ADGRL2: variants seen among roughly 807,000 people sequenced by gnomAD.
ADGRL2 encodes the protein adhesion G protein-coupled receptor L2.
ADGRL2 carries 44 observed loss-of-function variants against 157.4 expected under a neutral mutation model. The ratio of observed to expected loss-of-function variants is 0.28; its 90% CI spans 0.22 to 0.36. ADGRL2 has a LOEUF of 0.36. Among genes scored for constraint, ADGRL2 ranks in the 10% least tolerant of loss-of-function variants. The pLI, the probability that ADGRL2 is intolerant of heterozygous loss-of-function variation, is 1.00. For synonymous variants in ADGRL2, 585 were observed against 624.7 expected, an observed-to-expected ratio of 0.94 and a Z score of 0.95; for missense variants, 1,510 against 1,768.9, an observed-to-expected ratio of 0.85 and a Z score of 2.63.
chr1:81,823,997 T>C (rs2091238888), intron 1 of ADGRL2, among the ~76,000 whole-genome samples: 1 of 152,226 alleles, frequency 6.6e-6, no homozygotes, highest in Admixed American at 6.5e-5. Context: ...TGTGTTTTTT[T>C]AATTACCAGG....
intron 2 of ADGRL2, among the ~76,000 whole-genome samples, chr1:81,549,351 A>C (rs1475800534): frequency 6.6e-6 from 1 of 152,162 alleles, no homozygotes; most frequent in Non-Finnish European, 1.5e-5. Context: ...ATGCTGGGAG[A>C]CCTAGATTCT....
chr1:81,373,861 T>C lies in ADGRL2; in HGVS notation c.-302+67352T>C, dbSNP rs372320196. Among the ~76,000 whole-genome samples the C allele has an allele frequency of 2.8e-4, 43 of 152,322 alleles. No individual in the cohort carries two copies. The South Asian group carries it at 7.5e-3, about 26-fold the overall frequency. ...AAAAAAGCAAGTGATTTAGGAGACATAATCTGAATCTGGCAGTATCTGGAC... is the reference window on the plus strand; with the variant it reads ...AAAAAAGCAAGTGATTTAGGAGACACAATCTGAATCTGGCAGTATCTGGAC... On this transcript the variant is annotated intron_variant, in intron 1 of 24. Transcript: ENST00000370721.
chr1:81,406,299 G>A (rs767769590), intron 1 of ADGRL2, among the ~76,000 whole-genome samples: 3 of 152,160 alleles, frequency 2.0e-5, no homozygotes, highest in Non-Finnish European at 4.4e-5. Context: ...GAGATAAGGC[G>A]TGAACTGAGT....
intron 1 of ADGRL2, among the ~76,000 whole-genome samples, chr1:81,399,409 A>G (rs1557659503): frequency 6.6e-6 from 1 of 152,154 alleles, no homozygotes; most frequent in Non-Finnish European, 1.5e-5. Flanking sequence ...GAAGTCCATA[A>G]TACTAATAAA....
chr1:81,797,638 CTTATGTATAT>C (rs1318449077), upstream of ADGRL2, among the ~76,000 whole-genome samples: 1 of 152,114 alleles, frequency 6.6e-6, no homozygotes, highest in Non-Finnish European at 1.5e-5. Flanking sequence ...TGCTGTTATT[CTTATGTATAT>C]TTTAACAAGT....
chr1:81,521,300 C>T (rs75645423), intron 2 of ADGRL2, among the ~76,000 whole-genome samples: 2,612 of 152,082 alleles, frequency 0.017, 42 homozygotes, highest in South Asian at 0.058. Context: ...ATTTTCCATC[C>T]TTTAAAACTA....
chr1:81,856,465 A>G (rs1350494240), intron 2 of ADGRL2, among the ~76,000 whole-genome samples: 2 of 152,172 alleles, frequency 1.3e-5, no homozygotes, highest in African/African-American at 4.8e-5. Flanking sequence ...TCAAAGAACC[A>G]TGTCTTTTTC....
intron 2 of ADGRL2, among the ~76,000 whole-genome samples, chr1:81,467,778 T>C (rs1157763969): frequency 6.6e-6 from 1 of 152,124 alleles, no homozygotes; most frequent in Non-Finnish European, 1.5e-5. Flanking sequence ...TCATTAGGAA[T>C]TCAAATGTAA....
At chr1:81,959,686 TAAC>T (rs1222945084) in intron 11 of ADGRL2, among the ~76,000 whole-genome samples, 5 of 152,128 alleles carry the variant, frequency 3.3e-5, no homozygotes, top group African/African-American at 1.2e-4. Context: ...TTTAAAAAAA[TAAC>T]AAAACGTTTC....
chr1:81,516,506 T>G (rs1156592709), intron 2 of ADGRL2, among the ~76,000 whole-genome samples: 4 of 152,230 alleles, frequency 2.6e-5, no homozygotes, highest in Non-Finnish European at 5.9e-5. Context: ...GAGTCTATAG[T>G]AAGAGCCCCA....
chr1:81,871,902 G>C (rs910970016), intron 2 of ADGRL2, among the ~76,000 whole-genome samples: 2 of 152,128 alleles, frequency 1.3e-5, no homozygotes, highest in African/African-American at 4.8e-5. Flanking sequence ...TCTGATGGTA[G>C]TTTCTTTTGC....
chr1:81,394,356 TC>T (rs1397677389), intron 1 of ADGRL2, among the ~76,000 whole-genome samples: 2 of 152,032 alleles, frequency 1.3e-5, no homozygotes, highest in East Asian at 1.9e-4. Context: ...ACTTTGTCTA[TC>T]CCCCCTCCTC....
chr1:81,426,750 G>C (rs1183099671), intron 1 of ADGRL2: 1 of 462,748 alleles, frequency 2.2e-6, no homozygotes, highest in Non-Finnish European at 4.2e-6. Context: ...CAACCACACA[G>C]GTTGGTGGGT....
At chr1:81,393,356 GA>G (rs33999150) in intron 1 of ADGRL2, among the ~76,000 whole-genome samples, 45,519 of 132,050 alleles carry the variant, frequency 0.34, 7,624 homozygotes, top group Non-Finnish European at 0.42. Flanking sequence ...ATGCCCCAGG[GA>G]AAAAAAAAAA....
At chr1:81,645,116 A>C (rs2082288218) in intron 3 of ADGRL2, among the ~76,000 whole-genome samples, 1 of 152,128 alleles carries the variant, frequency 6.6e-6, no homozygotes, top group Non-Finnish European at 1.5e-5. Context: ...CAGGCTGGGC[A>C]TGGTGGTTCA....
chr1:81,809,498 T>C (rs2089593687), intron 1 of ADGRL2, among the ~76,000 whole-genome samples: 3 of 151,998 alleles, frequency 2.0e-5, no homozygotes, highest in Admixed American at 6.6e-5. Context: ...TGGTTAACTT[T>C]AGACTTAGCA....
At chr1:81,753,268 TA>T (rs1177570873) in intron 1 of ADGRL2, among the ~76,000 whole-genome samples, 5 of 152,184 alleles carry the variant, frequency 3.3e-5, no homozygotes, top group South Asian at 2.1e-4. Flanking sequence ...AGTCACATCT[TA>T]ATGTGGATGG....
At chr1:81,579,712 T>TTTATTTA (rs760232184) in intron 2 of ADGRL2, among the ~76,000 whole-genome samples, 49 of 152,280 alleles carry the variant, frequency 3.2e-4, no homozygotes, top group Admixed American at 1.2e-3. Flanking sequence ...AATACAGTGC[T>TTTATTTA]TGCCAAAATT....
At chr1:81,859,879 T>C (rs559816710) in intron 2 of ADGRL2, among the ~76,000 whole-genome samples, 1 of 152,164 alleles carries the variant, frequency 6.6e-6, no homozygotes, top group Non-Finnish European at 1.5e-5. Flanking sequence ...TTAGAAATCC[T>C]TACTTCCAGA....
Sources: gnomAD v4.1 joint callset for allele counts (sites outside exome capture counted in the v4.1 genomes callset) on GRCh38, gnomAD v4.1.1 for gene constraint, MANE v1.5 for transcripts, NCBI Gene and HGNC (gene_info 2026-07-23, HGNC 2026-07-21) for gene names.